The following LRCH1 variants were observed in gnomAD, a reference collection of about 807,000 sequenced individuals.
LRCH1 encodes leucine rich repeats and calponin homology domain containing 1.
A neutral mutation model predicts 94.9 loss-of-function variants in LRCH1; 23 were observed. That is an observed-to-expected ratio of 0.24 (90% CI 0.17 to 0.34). The LOEUF (loss-of-function observed/expected upper bound fraction) is 0.34. Among genes scored for constraint, LRCH1 ranks in the 10% least tolerant of loss-of-function variants. The probability of loss-of-function intolerance (pLI) is 1.00; values close to 1 mark genes in which losing one functional copy is unlikely to be tolerated. For missense variants in LRCH1, 790 were observed against 945.9 expected, an observed-to-expected ratio of 0.84 and a Z score of 2.16; for synonymous variants, 364 against 354.9, an observed-to-expected ratio of 1.03 and a Z score of -0.29.
chr13:46,625,237 A>G (rs76470009), intron 1 of LRCH1, among the ~76,000 whole-genome samples: 7 of 152,262 alleles, frequency 4.6e-5, no homozygotes, highest in East Asian at 1.9e-4. Context: ...ATACTCTTCT[A>G]TTATCTTCTG....
intron 1 of LRCH1, among the ~76,000 whole-genome samples, chr13:46,597,805 AT>A (rs113204301): frequency 2.9e-4 from 44 of 150,664 alleles, no homozygotes; most frequent in African/African-American, 1.0e-3. Context: ...CAAATAAGCC[AT>A]TTTTTTTTTA....
At chr13:46,707,563 C>A (rs1463959876) in intron 13 of LRCH1, among the ~76,000 whole-genome samples, 2 of 152,182 alleles carry the variant, frequency 1.3e-5, no homozygotes, top group East Asian at 3.8e-4. Context: ...CCACTTTTGA[C>A]TCTAGTAAAA....
chr13:46,750,958 A>C, exon 19 of LRCH1: 1 of 203,300 alleles, frequency 4.9e-6, no homozygotes, highest in Non-Finnish European at 9.9e-6. Context: ...CCATTACCAA[A>C]ACGCCAAGCA....
intron 13 of LRCH1, among the ~76,000 whole-genome samples, chr13:46,706,861 TTCTC>T (rs200715539): frequency 5.9e-5 from 9 of 151,856 alleles, no homozygotes; most frequent in African/African-American, 1.7e-4. Flanking sequence ...TTTGTTCTCT[TTCTC>T]TCTCTCTCTC....
At chr13:46,665,376 C>T (rs1041035862) in intron 2 of LRCH1, among the ~76,000 whole-genome samples, 1 of 152,048 alleles carries the variant, frequency 6.6e-6, no homozygotes, top group South Asian at 2.1e-4. Context: ...TTGTAAATTC[C>T]TTAATTTAGG....
intron 2 of LRCH1, among the ~76,000 whole-genome samples, chr13:46,658,444 A>G (rs1452132687): frequency 6.6e-6 from 1 of 151,934 alleles, no homozygotes; most frequent in Non-Finnish European, 1.5e-5. Flanking sequence ...ACTTTCCATT[A>G]TTACTTCTGT....
At chr13:46,681,105 C>T (rs540110935) in intron 3 of LRCH1, among the ~76,000 whole-genome samples, 3 of 152,196 alleles carry the variant, frequency 2.0e-5, no homozygotes, top group Non-Finnish European at 4.4e-5. Context: ...TATTTGCTTC[C>T]TAAAGCAAAG....
intron 1 of LRCH1, among the ~76,000 whole-genome samples, chr13:46,577,808 T>C (rs1368499587): frequency 6.6e-6 from 1 of 152,200 alleles, no homozygotes; most frequent in African/African-American, 2.4e-5. Context: ...GAAATCATTA[T>C]TTTGGACCGA....
At chr13:46,741,532 C>T (rs1195790582) in intron 19 of LRCH1, 110 bp from the exon 20 acceptor site, 2 of 1,287,234 alleles carry the variant, frequency 1.6e-6, no homozygotes, top group Non-Finnish European at 2.2e-6. Context: ...AGGGGTTACT[C>T]CTGCCATTTG....
chr13:46,635,555 C>G (rs2051075691), intron 1 of LRCH1, among the ~76,000 whole-genome samples: 1 of 147,904 alleles, frequency 6.8e-6, no homozygotes, highest in South Asian at 2.2e-4. Flanking sequence ...ACTGCAAGCT[C>G]TGCCTCCCAG....
At chr13:46,700,819 G>T (rs842396) in intron 10 of LRCH1, among the ~76,000 whole-genome samples, 4 of 152,058 alleles carry the variant, frequency 2.6e-5, no homozygotes, top group Admixed American at 6.5e-5. Flanking sequence ...AAAGCACAAC[G>T]GTGAAAGCCT....
chr13:46,561,235 G>A (rs73190970), intron 1 of LRCH1, among the ~76,000 whole-genome samples: 2,269 of 152,320 alleles, frequency 0.015, 22 homozygotes, highest in Non-Finnish European at 0.025. Context: ...AATTCTTACC[G>A]AACATTTTTA....
At chr13:46,661,365 C>T (rs913822727) in intron 2 of LRCH1, among the ~76,000 whole-genome samples, 1 of 152,134 alleles carries the variant, frequency 6.6e-6, no homozygotes, top group Admixed American at 6.5e-5. Flanking sequence ...ATAAAATAAT[C>T]GTCTTAGTGC....
In LRCH1 at chr13:46,691,344, T is replaced by C. The variant is rs189575957; in HGVS notation, c.1015-1192T>C. On this transcript the variant is annotated intron_variant, in intron 7 of 19. Transcript: ENST00000389797. ...CTAATCCAATTATTAAAGCCGAAGC[T>C]TTCTTCCAAAAATCACACAGAGCAG... Among the ~76,000 whole-genome samples, 563 of 152,364 alleles carry C rather than the reference T, an allele frequency of 3.7e-3. 1 individual carries two copies. Among genetic ancestry groups the C allele is most frequent in the Non-Finnish European group, 4.9e-3 (332 of 68,042 alleles).
At chr13:46,618,656 A>C (rs1301093692) in intron 1 of LRCH1, among the ~76,000 whole-genome samples, 1 of 152,256 alleles carries the variant, frequency 6.6e-6, no homozygotes, top group Non-Finnish European at 1.5e-5. Flanking sequence ...TCCTCCAATG[A>C]AGGCTCTCAA....
In LRCH1 at chr13:46,687,900, G is replaced by A. The variant is rs1031084803; in HGVS notation, c.871G>A (p.Ala291Thr). The change falls in exon 6 of 20, where the codon GCA (alanine) becomes ACA (threonine). Residue 291 changes from alanine to threonine, a missense_variant. Ala to Thr is a moderately conservative substitution (Grantham distance 58). Coordinates refer to ENST00000389797, the MANE Select transcript of LRCH1 (RefSeq NM_001164211.2). ...CATATTTAAGTATCTGAGCATACAA[G>A]CATGCCAGATTAAGACAGCTGACTC... is the stretch of plus-strand genomic sequence containing the variant. ...VHIFKYLSIQ[A>T]CQIKTADSLY... 6 of 1,613,210 alleles carry A rather than the reference G, an allele frequency of 3.7e-6. No individual in the cohort carries two copies. The highest frequency in any genetic ancestry group is 2.2e-5 in the East Asian group (1 of 44,870).
intron 1 of LRCH1, among the ~76,000 whole-genome samples, chr13:46,599,435 A>C (rs1201945251): frequency 1.3e-5 from 2 of 152,168 alleles, no homozygotes; most frequent in Non-Finnish European, 2.9e-5. Context: ...AATGTTTTCC[A>C]TGGTGGTTCC....
chr13:46,665,279 G>A (rs574897184), intron 2 of LRCH1, among the ~76,000 whole-genome samples: 1 of 152,080 alleles, frequency 6.6e-6, no homozygotes, highest in Non-Finnish European at 1.5e-5. Flanking sequence ...CTAAGATTGA[G>A]ACTCAAACTA....
intron 1 of LRCH1, among the ~76,000 whole-genome samples, chr13:46,555,619 T>C (rs2050055149): frequency 6.6e-6 from 1 of 152,218 alleles, no homozygotes; most frequent in Non-Finnish European, 1.5e-5. Context: ...ACATGTTTTA[T>C]GCTCAGGAAA....
Sources: gnomAD v4.1 joint callset for allele counts (sites outside exome capture counted in the v4.1 genomes callset) on GRCh38, gnomAD v4.1.1 for gene constraint, MANE v1.5 for transcripts, NCBI Gene and HGNC (gene_info 2026-07-23, HGNC 2026-07-21) for gene names.